Variants in CDH13 observed in about 807,000 individuals in gnomAD.
The protein encoded by CDH13 is cadherin-13.
In CDH13, 24 loss-of-function variants were observed where a neutral mutation model predicts 63.8. That is an observed-to-expected ratio of 0.38 (90% CI 0.27 to 0.53). The LOEUF (loss-of-function observed/expected upper bound fraction) is 0.53, where lower values mean the gene tolerates loss of function less well. Among genes scored for constraint, CDH13 ranks in the 20% least tolerant of loss-of-function variants. The probability of loss-of-function intolerance (pLI) is 0.85; values close to 1 mark genes in which losing one functional copy is unlikely to be tolerated. For synonymous variants in CDH13, 503 were observed against 355.3 expected (o/e 1.42, Z -4.67); for missense variants, 1,049 against 903.1 (o/e 1.16, Z -2.07).
At chr16:82,723,655 T>G (rs1310388232) in intron 1 of CDH13, among the ~76,000 whole-genome samples, 2 of 152,226 alleles carry the variant, frequency 1.3e-5, no homozygotes, top group African/African-American at 4.8e-5. Flanking sequence ...CAAACTCCTG[T>G]GCAAATACAA....
chr16:83,061,085 T>A (rs1201890576), intron 3 of CDH13, among the ~76,000 whole-genome samples: 1 of 152,168 alleles, frequency 6.6e-6, no homozygotes, highest in Admixed American at 6.5e-5. Context: ...CGCTCTCCAT[T>A]TTACAAAGGA....
intron 5 of CDH13, among the ~76,000 whole-genome samples, chr16:83,314,137 A>G (rs569629485): frequency 6.6e-6 from 1 of 152,210 alleles, no homozygotes; most frequent in South Asian, 2.1e-4. Flanking sequence ...GTAATGAGCT[A>G]TGCATGTTGT....
intron 7 of CDH13, among the ~76,000 whole-genome samples, chr16:83,597,670 C>G (rs1378407319): frequency 6.6e-6 from 1 of 152,164 alleles, no homozygotes; most frequent in East Asian, 1.9e-4. Context: ...AAAATTTAGA[C>G]TTTTGAAACC....
intron 5 of CDH13, among the ~76,000 whole-genome samples, chr16:83,330,218 CAT>C (rs1394115362): frequency 6.6e-6 from 1 of 152,176 alleles, no homozygotes; most frequent in Non-Finnish European, 1.5e-5. Context: ...CACACACACA[CAT>C]GCACACACAC....
At chr16:83,014,804 GTATA>G (rs1234603835) in intron 2 of CDH13, among the ~76,000 whole-genome samples, 1 of 52,720 alleles carries the variant, frequency 1.9e-5, no homozygotes, top group Non-Finnish European at 3.3e-5. Context: ...ATATATATAT[GTATA>G]TATATTTGTA....
chr16:83,222,541 A>G (rs1311907807), intron 5 of CDH13, among the ~76,000 whole-genome samples: 1 of 152,206 alleles, frequency 6.6e-6, no homozygotes, highest in African/African-American at 2.4e-5. Context: ...CATGTTATGA[A>G]CAAATGATGC....
intron 6 of CDH13, among the ~76,000 whole-genome samples, chr16:83,364,107 G>T (rs911337940): frequency 6.6e-6 from 1 of 152,154 alleles, no homozygotes; most frequent in Non-Finnish European, 1.5e-5. Flanking sequence ...AAATGTCAAC[G>T]CAAGAATTTT....
At chr16:83,174,297 T>C (rs941975072) in intron 4 of CDH13, among the ~76,000 whole-genome samples, 7 of 152,128 alleles carry the variant, frequency 4.6e-5, no homozygotes, top group Non-Finnish European at 8.8e-5. Flanking sequence ...CTGCATATAA[T>C]AACACCACTC....
intron 4 of CDH13, among the ~76,000 whole-genome samples, chr16:83,126,982 A>G (rs1262139612): frequency 6.6e-6 from 1 of 152,052 alleles, no homozygotes; most frequent in Non-Finnish European, 1.5e-5. Flanking sequence ...GGGAGGAGGG[A>G]ATCTTCACGC....
rs188421865 is a variant in CDH13 at position 83,043,279 on chromosome 16, G to C, written c.366+11061G>C. ...GAGATTAATTTTAATTGAAATTCTTGGGGGAAAAACTGATCCCATAGAAAG... is the reference window on the plus strand; with the variant it reads ...GAGATTAATTTTAATTGAAATTCTTCGGGGAAAAACTGATCCCATAGAAAG... On this transcript the variant is annotated intron_variant, in intron 3 of 13. Transcript: ENST00000567109. Among the ~76,000 whole-genome samples, 293 of 152,078 alleles carry C rather than the reference G, an allele frequency of 1.9e-3. 1 individual carries two copies. Among genetic ancestry groups the C allele is most frequent in the Middle Eastern group, 0.017 (5 of 294 alleles).
At chr16:82,675,542 C>G (rs978580697) in intron 1 of CDH13, among the ~76,000 whole-genome samples, 1 of 152,190 alleles carries the variant, frequency 6.6e-6, no homozygotes, top group Non-Finnish European at 1.5e-5. Context: ...AGTTTCAAAG[C>G]TGCATGAAGT....
intron 10 of CDH13, among the ~76,000 whole-genome samples, chr16:83,716,438 G>A (rs574927297): frequency 5.3e-5 from 8 of 151,998 alleles, no homozygotes; most frequent in South Asian, 2.1e-4. Context: ...CCTCCTTCCC[G>A]CCAACCCTTG....
At chr16:82,697,695 T>G (rs1433002908) in intron 1 of CDH13, among the ~76,000 whole-genome samples, 1 of 151,656 alleles carries the variant, frequency 6.6e-6, no homozygotes, top group African/African-American at 2.4e-5. Flanking sequence ...CCTAAAGTGC[T>G]GGGATTACAG....
intron 1 of CDH13, among the ~76,000 whole-genome samples, chr16:82,680,501 A>C (rs1411061218): frequency 6.6e-6 from 1 of 152,100 alleles, no homozygotes; most frequent in Non-Finnish European, 1.5e-5. Flanking sequence ...CTAACACAGA[A>C]GTGTGGATAG....
intron 6 of CDH13, among the ~76,000 whole-genome samples, chr16:83,400,764 C>G (rs546399371): frequency 5.9e-5 from 9 of 152,146 alleles, no homozygotes; most frequent in Non-Finnish European, 1.3e-4. Context: ...TCAACCCACA[C>G]TCTTTCCATT....
At chr16:83,692,118 C>T (rs1175898756) in intron 10 of CDH13, among the ~76,000 whole-genome samples, 3 of 152,218 alleles carry the variant, frequency 2.0e-5, no homozygotes, top group African/African-American at 4.8e-5. Context: ...GCCAGAGAAG[C>T]GTGCCCTGTG....
intron 10 of CDH13, among the ~76,000 whole-genome samples, chr16:83,720,260 A>G (rs1909511894): frequency 6.6e-6 from 1 of 151,874 alleles, no homozygotes; most frequent in Non-Finnish European, 1.5e-5. Context: ...ACATTCACAC[A>G]CCACTCCCAC....
At chr16:83,234,883 C>T (rs949846137) in intron 5 of CDH13, among the ~76,000 whole-genome samples, 3 of 152,174 alleles carry the variant, frequency 2.0e-5, no homozygotes, top group African/African-American at 4.8e-5. Flanking sequence ...AGCCCAAGCT[C>T]CACACACTGA....
At chr16:82,804,276 T>TACACACACACACACACACAC (rs140828245) in intron 1 of CDH13, among the ~76,000 whole-genome samples, 3 of 135,036 alleles carry the variant, frequency 2.2e-5, no homozygotes, top group African/African-American at 9.0e-5. Context: ...GGGATCTTGC[T>TACACACACACACACACACAC]ACACACACAC....
Sources: gnomAD v4.1 joint callset for allele counts (sites outside exome capture counted in the v4.1 genomes callset) on GRCh38, gnomAD v4.1.1 for gene constraint, MANE v1.5 for transcripts, NCBI Gene and HGNC (gene_info 2026-07-23, HGNC 2026-07-21) for gene names.